Variants in SGCZ observed in about 807,000 individuals in gnomAD.
SGCZ encodes the protein zeta-sarcoglycan.
In SGCZ, 40 loss-of-function variants were observed where a neutral mutation model predicts 41.3. The ratio of observed to expected loss-of-function variants is 0.97; its 90% CI spans 0.75 to 1.26. SGCZ has a LOEUF of 1.26. Among genes scored for constraint, SGCZ ranks in the 50% most tolerant of loss-of-function variants. The probability of loss-of-function intolerance (pLI) is 0.00; values close to 1 mark genes in which losing one functional copy is unlikely to be tolerated. For synonymous variants in SGCZ, 206 were observed against 137.5 expected (o/e 1.50, Z -3.49); for missense variants, 552 against 369.8 (o/e 1.49, Z -4.04).
intron 1 of SGCZ, among the ~76,000 whole-genome samples, chr8:15,179,043 C>A (rs756626721): frequency 6.6e-6 from 1 of 152,016 alleles, no homozygotes; most frequent in Non-Finnish European, 1.5e-5. Context: ...TAAAAAACTA[C>A]GTATTATATC....
chr8:14,181,860 A>C (rs900168284), intron 4 of SGCZ, among the ~76,000 whole-genome samples: 1 of 152,290 alleles, frequency 6.6e-6, no homozygotes, highest in Non-Finnish European at 1.5e-5. Flanking sequence ...AGAACAGACT[A>C]ATACACCTGT....
At chr8:15,085,873 C>T (rs1214697728) in intron 1 of SGCZ, among the ~76,000 whole-genome samples, 1 of 152,154 alleles carries the variant, frequency 6.6e-6, no homozygotes, top group Non-Finnish European at 1.5e-5. Flanking sequence ...ATTTCTCCCA[C>T]CTATCATCAC....
intron 2 of SGCZ, among the ~76,000 whole-genome samples, chr8:14,494,990 G>A (rs913141093): frequency 6.6e-6 from 1 of 152,088 alleles, no homozygotes; most frequent in Non-Finnish European, 1.5e-5. Context: ...TGTGTCTAAC[G>A]TAACCTTATA....
intron 2 of SGCZ, among the ~76,000 whole-genome samples, chr8:14,360,619 CCTGG>C (rs1585405308): frequency 2.0e-5 from 3 of 150,030 alleles, no homozygotes; most frequent in African/African-American, 7.6e-5. Flanking sequence ...AGTCACCGCG[CCTGG>C]CTGTTTATTT....
intron 1 of SGCZ, among the ~76,000 whole-genome samples, chr8:15,045,836 C>G (rs926617989): frequency 3.3e-5 from 5 of 152,124 alleles, no homozygotes; most frequent in Middle Eastern, 3.4e-3. Flanking sequence ...CAAACAGACT[C>G]TCACTGGCTA....
intron 3 of SGCZ, among the ~76,000 whole-genome samples, chr8:14,296,924 T>C (rs985854961): frequency 5.3e-5 from 8 of 152,084 alleles, no homozygotes; most frequent in Non-Finnish European, 1.2e-4. Context: ...AACTGAATAA[T>C]TTTTCTTTTT....
intron 3 of SGCZ, among the ~76,000 whole-genome samples, chr8:14,273,527 C>T (rs1055336000): frequency 6.6e-6 from 1 of 152,158 alleles, no homozygotes; most frequent in Non-Finnish European, 1.5e-5. Flanking sequence ...CCAATCCTCA[C>T]AGAGACATTT....
At chr8:14,441,557 G>T (rs575271658) in intron 2 of SGCZ, among the ~76,000 whole-genome samples, 1 of 152,292 alleles carries the variant, frequency 6.6e-6, no homozygotes, top group Non-Finnish European at 1.5e-5. Context: ...CCTGGTGATA[G>T]AGCAAGACCC....
intron 2 of SGCZ, among the ~76,000 whole-genome samples, chr8:14,470,921 A>C (rs969960345): frequency 8.5e-5 from 13 of 152,132 alleles, no homozygotes; most frequent in African/African-American, 3.1e-4. Flanking sequence ...CTTGCTTATC[A>C]GATCTTTAGT....
intron 2 of SGCZ, among the ~76,000 whole-genome samples, chr8:14,497,382 G>C (rs935555559): frequency 1.3e-5 from 2 of 152,112 alleles, no homozygotes; most frequent in Non-Finnish European, 2.9e-5. Flanking sequence ...GATCTCTCGT[G>C]AACTAATGGA....
intron 1 of SGCZ, among the ~76,000 whole-genome samples, chr8:14,789,385 A>G (rs1450339474): frequency 6.6e-6 from 1 of 152,212 alleles, no homozygotes; most frequent in African/African-American, 2.4e-5. Flanking sequence ...CATGTCTACA[A>G]ATGACTGTAA....
At chr8:14,796,134 T>C (rs1454657017) in intron 1 of SGCZ, among the ~76,000 whole-genome samples, 1 of 152,266 alleles carries the variant, frequency 6.6e-6, no homozygotes, top group Non-Finnish European at 1.5e-5. Context: ...GCAATGAGCA[T>C]ATCTGTGCAT....
intron 2 of SGCZ, among the ~76,000 whole-genome samples, chr8:14,551,554 ATATATT>A: frequency 5.3e-5 from 1 of 18,878 alleles, no homozygotes; most frequent in Non-Finnish European, 7.8e-5. Flanking sequence ...TATATATAAT[ATATATT>A]ATATATATAA....
intron 1 of SGCZ, among the ~76,000 whole-genome samples, chr8:14,579,951 A>G (rs1325666665): frequency 6.6e-6 from 1 of 152,172 alleles, no homozygotes; most frequent in Non-Finnish European, 1.5e-5. Context: ...TATTTGTTCT[A>G]TTGAGTATTA....
intron 1 of SGCZ, among the ~76,000 whole-genome samples, chr8:15,155,934 T>C (rs1799316882): frequency 6.6e-6 from 1 of 151,676 alleles, no homozygotes; most frequent in Admixed American, 6.6e-5. Context: ...GGCGCACACC[T>C]GTAGTCCAAG....
chr8:14,215,897 G>A (rs924747724), intron 4 of SGCZ, among the ~76,000 whole-genome samples: 1 of 152,326 alleles, frequency 6.6e-6, no homozygotes, highest in South Asian at 2.1e-4. Context: ...GACACTGGAC[G>A]AAAGACAGAT....
chr8:14,246,438 G>A (rs993927915), intron 3 of SGCZ, among the ~76,000 whole-genome samples: 3 of 151,554 alleles, frequency 2.0e-5, no homozygotes, highest in Non-Finnish European at 4.4e-5. Flanking sequence ...ACACTCTGGG[G>A]ACTGTTGTGG....
intron 1 of SGCZ, among the ~76,000 whole-genome samples, chr8:14,787,694 A>G (rs1235879950): frequency 6.6e-6 from 1 of 152,156 alleles, no homozygotes; most frequent in Non-Finnish European, 1.5e-5. Flanking sequence ...TAAAATTACA[A>G]AATTAGCCAG....
chr8:14,616,821 G>C (rs1199297006), intron 1 of SGCZ, among the ~76,000 whole-genome samples: 1 of 152,116 alleles, frequency 6.6e-6, no homozygotes. Context: ...AGCAATTTAA[G>C]ATCTCCATAA....
Sources: allele counts gnomAD v4.1 joint callset (sites outside exome capture counted in the v4.1 genomes callset), GRCh38; gene constraint gnomAD v4.1.1; transcripts MANE v1.5; gene names NCBI Gene and HGNC (gene_info 2026-07-23, HGNC 2026-07-21).